ADAM22: variants seen among roughly 807,000 people sequenced by gnomAD.
ADAM22 encodes the protein disintegrin and metalloproteinase domain-containing protein 22.
ADAM22 carries 65 observed loss-of-function variants against 144.6 expected under a neutral mutation model. That is an observed-to-expected ratio of 0.45 (90% confidence interval 0.37 to 0.55). The LOEUF is 0.55. ADAM22 is among the 20% of genes least tolerant of loss of function. The pLI is 0.00. For synonymous variants in ADAM22, 391 were observed against 412.6 expected (o/e 0.95, Z 0.63); for missense variants, 974 against 1,184.9 (o/e 0.82, Z 2.61).
At chr7:87,992,791 TG>T (rs1790202546) in intron 3 of ADAM22, among the ~76,000 whole-genome samples, 1 of 152,126 alleles carries the variant, frequency 6.6e-6, no homozygotes, top group African/African-American at 2.4e-5. Context: ...GCCCCAAGTG[TG>T]ACTCTAGCCA....
chr7:88,082,812 G>T (rs1334087733), intron 4 of ADAM22, among the ~76,000 whole-genome samples: 2 of 152,140 alleles, frequency 1.3e-5, no homozygotes, highest in East Asian at 3.9e-4. Context: ...CAGTTAGAAT[G>T]GCGATCATTA....
intron 2 of ADAM22, among the ~76,000 whole-genome samples, chr7:87,974,608 A>T (rs1851449644): frequency 6.6e-6 from 1 of 152,190 alleles, no homozygotes; most frequent in African/African-American, 2.4e-5. Context: ...CAATGAACTC[A>T]TTGGAGCTGC....
chr7:88,098,682 C>T (rs1822110493), intron 4 of ADAM22, among the ~76,000 whole-genome samples: 2 of 152,014 alleles, frequency 1.3e-5, no homozygotes, highest in South Asian at 4.2e-4. Context: ...ACTTTTATTC[C>T]TATCCAGTGG....
chr7:88,136,211 AT>A (rs1367185100), intron 14 of ADAM22, among the ~76,000 whole-genome samples, 180 bp downstream of exon 14: 2 of 152,002 alleles, frequency 1.3e-5, no homozygotes, highest in African/African-American at 4.8e-5. Context: ...GACCTCAAAG[AT>A]TTTTTTTTCT....
In ADAM22 at chr7:88,132,949, G is replaced by A; in HGVS notation, c.1075G>A (p.Glu359Lys). The A allele has an allele frequency of 6.2e-7, 1 of 1,613,814 alleles. No individual in the cohort carries two copies. The highest frequency in any genetic ancestry group is 8.5e-7 in the Non-Finnish European group (1 of 1,179,756). Reference protein sequence around the residue: ...CSLLKGGGVNEFGKTDLMAVT... With the variant: ...CSLLKGGGVNKFGKTDLMAVT... ...GTTGCTGAAAGGAGGAGGCGTGAAT[G>A]AAGTAGGTGTGAACATCTGTACAAT... Residue 359 changes from glutamate to lysine, a missense_variant and splice_region_variant, in exon 12 of 32, where the codon GAA (glutamate) becomes AAA (lysine). Glu to Lys is a moderately conservative substitution (Grantham distance 56). Coordinates refer to ENST00000413139, the MANE Select transcript of ADAM22 (RefSeq NM_001324418.2).
intron 7 of ADAM22, among the ~76,000 whole-genome samples, chr7:88,118,127 A>G (rs1279184509): frequency 2.6e-5 from 4 of 152,196 alleles, no homozygotes; most frequent in Non-Finnish European, 5.9e-5. Context: ...AGCAAGGGGT[A>G]AAGTTGAGTT....
chr7:87,993,469 A>C (rs1790386597), intron 3 of ADAM22, among the ~76,000 whole-genome samples: 1 of 152,222 alleles, frequency 6.6e-6, no homozygotes. Flanking sequence ...GTCAGATTGC[A>C]CAATAATAGC....
intron 3 of ADAM22, among the ~76,000 whole-genome samples, chr7:88,069,151 C>G (rs1232346123): frequency 6.6e-6 from 1 of 151,840 alleles, no homozygotes; most frequent in Non-Finnish European, 1.5e-5. Context: ...CCTTCCCTCC[C>G]TCTTCCTCCC....
At chr7:88,145,690 A>T (rs1385255899) in intron 17 of ADAM22, among the ~76,000 whole-genome samples, 183 bp downstream of exon 17, 1 of 152,184 alleles carries the variant, frequency 6.6e-6, no homozygotes, top group East Asian at 1.9e-4. Flanking sequence ...TATTATTCCC[A>T]TCTAAAAGAT....
intron 2 of ADAM22, among the ~76,000 whole-genome samples, chr7:87,954,892 C>G (rs1472374902): frequency 6.6e-6 from 1 of 152,210 alleles, no homozygotes; most frequent in African/African-American, 2.4e-5. Flanking sequence ...ATTTCATCTT[C>G]CATCACTGAT....
intron 26 of ADAM22, among the ~76,000 whole-genome samples, chr7:88,175,090 G>T (rs921860162): frequency 1.3e-5 from 2 of 152,060 alleles, no homozygotes; most frequent in African/African-American, 2.4e-5. Context: ...TTTTAAGTAT[G>T]CATAAGAATT....
intron 3 of ADAM22, among the ~76,000 whole-genome samples, chr7:88,009,153 C>G (rs1456575206): frequency 6.6e-6 from 1 of 152,042 alleles, no homozygotes; most frequent in Admixed American, 6.6e-5. Flanking sequence ...TTTGAGGGGA[C>G]AGTGAATGAT....
intron 2 of ADAM22, among the ~76,000 whole-genome samples, chr7:87,954,140 A>G (rs980687998): frequency 6.6e-6 from 1 of 151,948 alleles, no homozygotes; most frequent in Non-Finnish European, 1.5e-5. Context: ...TAGTCCATTT[A>G]CATTTAAAGT....
chr7:88,115,136 T>C (rs1827419162), intron 6 of ADAM22, among the ~76,000 whole-genome samples: 1 of 152,102 alleles, frequency 6.6e-6, no homozygotes, highest in Non-Finnish European at 1.5e-5. Context: ...TCCCAGCTAC[T>C]TGGGAAGTTA....
rs139731286 is a variant in ADAM22, at chr7:87,998,068, T to C, written c.323+19656T>C. Among the ~76,000 whole-genome samples the C allele has an allele frequency of 2.3e-3, 346 of 152,230 alleles. 1 individual carries two copies. The highest frequency in any genetic ancestry group is 9.5e-3 in the South Asian group (46 of 4,822). ...GTCCAAAAGCTGAAGAACTTGGAGTTTGATGTTTGAAGGCAGGAAGCATCC... is the reference window on the plus strand; with the variant it reads ...GTCCAAAAGCTGAAGAACTTGGAGTCTGATGTTTGAAGGCAGGAAGCATCC... On this transcript the variant is annotated intron_variant, in intron 3 of 31. Transcript: ENST00000413139.
chr7:88,192,915 C>T (rs1400601365), intron 30 of ADAM22, among the ~76,000 whole-genome samples: 2 of 152,040 alleles, frequency 1.3e-5, no homozygotes, highest in Non-Finnish European at 2.9e-5. Context: ...TTAAATAATC[C>T]ATTGCAGTCA....
intron 3 of ADAM22, among the ~76,000 whole-genome samples, chr7:88,005,565 T>A (rs1331317324): frequency 6.6e-6 from 1 of 152,170 alleles, no homozygotes; most frequent in Non-Finnish European, 1.5e-5. Context: ...TATGACAAGA[T>A]GGATGTGAGC....
At chr7:88,075,803 A>G (rs1340766250) in intron 4 of ADAM22, 111 bp downstream of exon 4, 2 of 851,942 alleles carry the variant, frequency 2.3e-6, no homozygotes, top group African/African-American at 3.5e-5. Context: ...GAGGGTTTTA[A>G]AAATACTTTA....
intron 22 of ADAM22, among the ~76,000 whole-genome samples, chr7:88,159,185 C>T (rs186400185): frequency 1.1e-4 from 16 of 152,068 alleles, no homozygotes; most frequent in East Asian, 3.9e-4. Context: ...CATGTGTATA[C>T]GTTTCCAAGA....
Sources: allele counts gnomAD v4.1 joint callset (sites outside exome capture counted in the v4.1 genomes callset), GRCh38; gene constraint gnomAD v4.1.1; transcripts MANE v1.5; gene names NCBI Gene and HGNC (gene_info 2026-07-23, HGNC 2026-07-21).